Variants in GABRB1 observed in about 807,000 individuals in gnomAD.
GABRB1 encodes the protein gamma-aminobutyric acid type A receptor subunit beta1, also known as gamma-aminobutyric acid receptor subunit beta-1.
GABRB1 carries 17 observed loss-of-function variants against 51.6 expected under a neutral mutation model. The ratio of observed to expected loss-of-function variants is 0.33; its 90% CI spans 0.23 to 0.49. The LOEUF (loss-of-function observed/expected upper bound fraction) is 0.49. Ranked by LOEUF, GABRB1 falls within the 20% of genes least tolerant of loss-of-function variation. GABRB1 has a pLI of 0.99. For missense variants in GABRB1, 410 were observed against 600.6 expected (o/e 0.68, Z 3.32); for synonymous variants, 247 against 218.9 (o/e 1.13, Z -1.14).
intron 4 of GABRB1, among the ~76,000 whole-genome samples, chr4:47,257,346 T>C (rs1363857439): frequency 2.0e-5 from 3 of 152,194 alleles, no homozygotes; most frequent in African/African-American, 7.2e-5. Context: ...CTTACAAAAT[T>C]GCTTACACTT....
At chr4:47,164,802 AC>A (rs767129235) in intron 4 of GABRB1, among the ~76,000 whole-genome samples, 2 of 152,042 alleles carry the variant, frequency 1.3e-5, no homozygotes, top group Non-Finnish European at 2.9e-5. Flanking sequence ...TCCTGTAAAC[AC>A]TCTGACATAA....
At chr4:47,305,057 G>T (rs949314579) in intron 4 of GABRB1, among the ~76,000 whole-genome samples, 1 of 152,132 alleles carries the variant, frequency 6.6e-6, no homozygotes. Flanking sequence ...CCAACATTTT[G>T]TACTTCGAGG....
chr4:47,162,676 G>A (rs1473876494), intron 4 of GABRB1, among the ~76,000 whole-genome samples: 1 of 152,002 alleles, frequency 6.6e-6, no homozygotes, highest in Non-Finnish European at 1.5e-5. Context: ...TAAGGTAATG[G>A]CAGAACTGGG....
intron 8 of GABRB1, among the ~76,000 whole-genome samples, chr4:47,408,948 G>A (rs961854845): frequency 3.3e-5 from 5 of 152,160 alleles, no homozygotes; most frequent in African/African-American, 2.4e-5. Flanking sequence ...GTACAATTTA[G>A]GAAAGAATAA....
intron 4 of GABRB1, among the ~76,000 whole-genome samples, chr4:47,299,706 G>C (rs1248260540): frequency 6.6e-6 from 1 of 152,078 alleles, no homozygotes; most frequent in Non-Finnish European, 1.5e-5. Flanking sequence ...TCTAGAACTA[G>C]AAATACCATT....
chr4:47,208,547 A>C (rs1401468269), intron 4 of GABRB1, among the ~76,000 whole-genome samples: 4 of 152,120 alleles, frequency 2.6e-5, no homozygotes, highest in African/African-American at 7.2e-5. Flanking sequence ...ATACCAAAAA[A>C]CATTGAATTG....
Position 47,297,067 on chromosome 4 carries a change from C to T in GABRB1, c.462-23060C>T, listed in dbSNP as rs532656875. On this transcript the variant is annotated intron_variant, in intron 4 of 8. Transcript: ENST00000295454. ...AGATGTTCTTTGAAACCAACAAGAA[C>T]AAAGACACAACATACCAGAATCTCT... Among the ~76,000 whole-genome samples the T allele has an allele frequency of 2.0e-5, 3 of 152,064 alleles. No individual in the cohort carries two copies. The East Asian group carries it at 5.8e-4, about 29-fold the overall frequency.
At chr4:47,405,946 C>T (rs1243541181) in intron 7 of GABRB1, among the ~76,000 whole-genome samples, 1 of 152,066 alleles carries the variant, frequency 6.6e-6, no homozygotes, top group East Asian at 1.9e-4. Flanking sequence ...ACTTAAACTT[C>T]TTCAACAAAT....
intron 4 of GABRB1, among the ~76,000 whole-genome samples, chr4:47,179,475 G>A (rs371116818): frequency 3.6e-4 from 54 of 152,016 alleles, no homozygotes; most frequent in African/African-American, 1.0e-3. Context: ...GTGAAGACAC[G>A]TGCACACGTA....
At chr4:47,188,309 CAGTGAAGTTAGCTTCATTATTTTAT>C (rs2109779230) in intron 4 of GABRB1, among the ~76,000 whole-genome samples, 1 of 152,110 alleles carries the variant, frequency 6.6e-6, no homozygotes, top group East Asian at 1.9e-4. Context: ...ACAAGCTACT[CAGTGAAGTTAGCTTCATTATTTTAT>C]AGTCACTTTG....
intron 1 of GABRB1, among the ~76,000 whole-genome samples, chr4:47,014,307 C>A (rs573135008): frequency 9.9e-5 from 15 of 152,162 alleles, no homozygotes; most frequent in Admixed American, 9.2e-4. Context: ...CAAACACTTG[C>A]AGCTAGCTAT....
At chr4:47,351,910 T>C (rs1726358477) in intron 5 of GABRB1, among the ~76,000 whole-genome samples, 1 of 152,144 alleles carries the variant, frequency 6.6e-6, no homozygotes, top group African/African-American at 2.4e-5. Context: ...TTTATAGTCC[T>C]TTGGGTATAT....
At chr4:47,133,013 T>C (rs1289373861) in intron 3 of GABRB1, among the ~76,000 whole-genome samples, 2 of 152,254 alleles carry the variant, frequency 1.3e-5, no homozygotes, top group East Asian at 1.9e-4. Flanking sequence ...TTTTCTTTTT[T>C]TGAAACCCAT....
At chr4:47,358,695 AAC>A (rs1336385862) in intron 5 of GABRB1, among the ~76,000 whole-genome samples, 1 of 152,114 alleles carries the variant, frequency 6.6e-6, no homozygotes, top group East Asian at 1.9e-4. Flanking sequence ...CCTATCTCCA[AAC>A]ACAGTCAGAA....
chr4:47,273,857 A>G (rs773074701), intron 4 of GABRB1, among the ~76,000 whole-genome samples: 10 of 104,210 alleles, frequency 9.6e-5, no homozygotes, highest in Non-Finnish European at 1.7e-4. Flanking sequence ...AGTAAACCAT[A>G]TATACATACA....
chr4:47,227,586 G>C (rs971611128), intron 4 of GABRB1, among the ~76,000 whole-genome samples: 2 of 152,110 alleles, frequency 1.3e-5, no homozygotes, highest in Non-Finnish European at 2.9e-5. Context: ...AGATGGCCCT[G>C]AGTTTAGATT....
chr4:47,336,208 T>C (rs570474289), intron 5 of GABRB1, among the ~76,000 whole-genome samples: 42 of 152,316 alleles, frequency 2.8e-4, no homozygotes, highest in Non-Finnish European at 4.4e-4. Flanking sequence ...AGAGATTCTA[T>C]CTGGAAATAT....
intron 5 of GABRB1, among the ~76,000 whole-genome samples, chr4:47,327,397 A>G (rs1725300072): frequency 6.6e-6 from 1 of 152,134 alleles, no homozygotes; most frequent in African/African-American, 2.4e-5. Context: ...CAAAAATTAT[A>G]AAAGTGTTAA....
At chr4:47,342,299 G>C (rs1056971873) in intron 5 of GABRB1, among the ~76,000 whole-genome samples, 5 of 152,002 alleles carry the variant, frequency 3.3e-5, no homozygotes, top group African/African-American at 1.2e-4. Context: ...CTAAATAATG[G>C]TCCATAAACT....
Sources: allele counts gnomAD v4.1 joint callset (sites outside exome capture counted in the v4.1 genomes callset), GRCh38; gene constraint gnomAD v4.1.1; transcripts MANE v1.5; gene names NCBI Gene and HGNC (gene_info 2026-07-23, HGNC 2026-07-21).